Variants in MAP2K5 observed in about 807,000 individuals in gnomAD.
MAP2K5 encodes dual specificity mitogen-activated protein kinase kinase 5.
MAP2K5 carries 49 observed loss-of-function variants against 83.1 expected under a neutral mutation model. The ratio of observed to expected loss-of-function variants is 0.59; its 90% CI spans 0.47 to 0.75. The LOEUF is 0.75. MAP2K5 is among the 30% of genes least tolerant of loss of function. MAP2K5 has a pLI of 0.00. For missense variants in MAP2K5, 457 were observed against 557.5 expected, an observed-to-expected ratio of 0.82 and a Z score of 1.82; for synonymous variants, 202 against 191.8, an observed-to-expected ratio of 1.05 and a Z score of -0.44.
At chr15:67,776,113 A>T (rs2090233527) in intron 21 of MAP2K5, among the ~76,000 whole-genome samples, 1 of 152,134 alleles carries the variant, frequency 6.6e-6, no homozygotes, top group South Asian at 2.1e-4. Flanking sequence ...AGAAATCAGG[A>T]GTCAGCTTTA....
chr15:67,688,961 A>G (rs541126898), intron 13 of MAP2K5, among the ~76,000 whole-genome samples: 13 of 152,352 alleles, frequency 8.5e-5, no homozygotes, highest in Admixed American at 5.2e-4. Flanking sequence ...TTAAAAAGCT[A>G]TCAACCAGTG....
At chr15:67,624,578 T>G (rs552530875) in intron 8 of MAP2K5, among the ~76,000 whole-genome samples, 1 of 149,594 alleles carries the variant, frequency 6.7e-6, no homozygotes, top group East Asian at 2.0e-4. Context: ...AAATTAAACA[T>G]CACGATCTCT....
chr15:67,608,802 T>A (rs1160758748), intron 8 of MAP2K5, among the ~76,000 whole-genome samples: 1 of 152,164 alleles, frequency 6.6e-6, no homozygotes, highest in Non-Finnish European at 1.5e-5. Context: ...ACAGTCGGCC[T>A]TTGGTTAGAG....
At chr15:67,622,615 C>T (rs1348396325) in intron 8 of MAP2K5, among the ~76,000 whole-genome samples, 1 of 151,614 alleles carries the variant, frequency 6.6e-6, no homozygotes, top group Non-Finnish European at 1.5e-5. Flanking sequence ...AAGTGAGGAG[C>T]ACCTACCATG....
intron 16 of MAP2K5, among the ~76,000 whole-genome samples, chr15:67,714,301 A>G (rs1055205350): frequency 6.6e-6 from 1 of 151,888 alleles, no homozygotes; most frequent in African/African-American, 2.4e-5. Context: ...ATAGCATCTT[A>G]TATGTATTGA....
chr15:67,547,665 C>T (rs2084424276), intron 1 of MAP2K5, among the ~76,000 whole-genome samples: 1 of 152,070 alleles, frequency 6.6e-6, no homozygotes, highest in East Asian at 1.9e-4. Context: ...CCATGTTGGC[C>T]AGGCTGGTCT....
At chr15:67,700,587 A>G (rs949593661) in intron 15 of MAP2K5, among the ~76,000 whole-genome samples, 3 of 152,158 alleles carry the variant, frequency 2.0e-5, no homozygotes, top group African/African-American at 7.2e-5. Context: ...TTCAAGTGTG[A>G]GAACAGCTTT....
chr15:67,543,781 T>TC lies in MAP2K5; in HGVS notation c.135+317dup, dbSNP rs1194164730. On this transcript the variant is annotated intron_variant, in intron 1 of 21. Transcript: ENST00000178640. The surrounding 1 kb of genome is among the most constrained non-coding windows in gnomAD (Gnocchi z 4.3). ...TGCTGAATCTAGAAGAGAGGTTTTT[T>TC]CCCCCCAAGTGTTTCGGGGAATGTC... Among the ~76,000 whole-genome samples the TC allele has an allele frequency of 6.6e-6, 1 of 152,134 alleles. No homozygotes were observed. The highest frequency in any genetic ancestry group is 1.5e-5 in the Non-Finnish European group (1 of 68,032).
chr15:67,660,993 G>T (rs965188606), intron 12 of MAP2K5, among the ~76,000 whole-genome samples: 1 of 151,462 alleles, frequency 6.6e-6, no homozygotes, highest in South Asian at 2.1e-4. Context: ...ATGTCTTTAG[G>T]TATCTCTCTT....
chr15:67,798,135 A>G (rs1054312090), intron 21 of MAP2K5, among the ~76,000 whole-genome samples: 1 of 152,098 alleles, frequency 6.6e-6, no homozygotes, highest in Non-Finnish European at 1.5e-5. Context: ...CACTGGCCCC[A>G]TATTCACAGT....
intron 8 of MAP2K5, among the ~76,000 whole-genome samples, chr15:67,617,821 G>A (rs1339534212): frequency 1.3e-5 from 2 of 152,096 alleles, no homozygotes; most frequent in East Asian, 3.9e-4. Context: ...GTCCCAAGTA[G>A]CTGGGACCAC....
At chr15:67,595,919 G>A (rs2085514998) in intron 7 of MAP2K5, among the ~76,000 whole-genome samples, 6 of 151,534 alleles carry the variant, frequency 4.0e-5, no homozygotes, top group Admixed American at 3.9e-4. Context: ...TTTAAAAAGT[G>A]CACAGTTACT....
rs540074455 is a variant in MAP2K5 at position 67,628,177 on chromosome 15, G to A, written c.546-2711G>A. 1,029 of 999,256 alleles carry A rather than the reference G, an allele frequency of 1.0e-3. 1 individual carries two copies. Among genetic ancestry groups the A allele is most frequent in the Non-Finnish European group, 1.3e-3 (833 of 651,292 alleles). 61.9% of individuals were successfully genotyped at this position (999,256 alleles called of 1,614,324 possible). On this transcript the variant is annotated intron_variant, in intron 8 of 21. Transcript: ENST00000178640. Reference sequence around the variant, plus strand: ...TTAACTGTGAAAAAGATATTTGTTGGTGGCATTAAAGAAGATACTGAAGGC... The same window carrying A: ...TTAACTGTGAAAAAGATATTTGTTGATGGCATTAAAGAAGATACTGAAGGC...
At chr15:67,582,059 C>CT (rs944586636) in intron 4 of MAP2K5, among the ~76,000 whole-genome samples, 1,941 of 122,656 alleles carry the variant, frequency 0.016, 58 homozygotes, top group East Asian at 0.067. Flanking sequence ...TAGATGATTT[C>CT]TTTTTTTTTT....
At chr15:67,643,778 T>A (rs1230076679) in intron 9 of MAP2K5, among the ~76,000 whole-genome samples, 1 of 106,814 alleles carries the variant, frequency 9.4e-6, no homozygotes, top group African/African-American at 3.7e-5. Context: ...CACCTATGCC[T>A]TTTTTTTCCC....
intron 20 of MAP2K5, 67 bp from the exon 21 acceptor site, chr15:67,772,640 T>C: frequency 9.5e-7 from 1 of 1,052,978 alleles, no homozygotes; most frequent in Non-Finnish European, 1.4e-6. Flanking sequence ...TAGCCATTGG[T>C]AGAAATTATA....
intron 21 of MAP2K5, among the ~76,000 whole-genome samples, chr15:67,799,046 G>A (rs111897951): frequency 0.14 from 21,053 of 152,254 alleles, 1,502 homozygotes; most frequent in East Asian, 0.16. Flanking sequence ...GCGGACACCT[G>A]TAATCCCAGC....
intron 4 of MAP2K5, among the ~76,000 whole-genome samples, chr15:67,583,904 G>A (rs1015790422): frequency 6.6e-5 from 10 of 151,888 alleles, no homozygotes; most frequent in Admixed American, 5.2e-4. Flanking sequence ...GTGCCACCAC[G>A]CTGGGCATTT....
rs558711442 is a variant in MAP2K5 at position 67,794,814 on chromosome 15, C to T, written c.1243-11832C>T. ...CTTTGTGTAAATGGTTTGTTTCTCC[C>T]TGTTAAGGAACTAGAAAAACTGTTA... On this transcript the variant is annotated intron_variant, in intron 21 of 21. Transcript: ENST00000178640. The surrounding 1 kb of genome is among the most constrained non-coding windows in gnomAD (Gnocchi z 4.6). Among the ~76,000 whole-genome samples, 1 of 152,262 alleles carries T rather than the reference C, an allele frequency of 6.6e-6. No individual in the cohort carries two copies. Among genetic ancestry groups the T allele is most frequent in the Non-Finnish European group, 1.5e-5 (1 of 68,014 alleles).
Sources: allele counts gnomAD v4.1 joint callset (sites outside exome capture counted in the v4.1 genomes callset), GRCh38; gene constraint gnomAD v4.1.1; non-coding constraint Gnocchi (gnomAD v3.1); transcripts MANE v1.5; gene names NCBI Gene and HGNC (gene_info 2026-07-23, HGNC 2026-07-21).